MAN1A2: variants seen among roughly 807,000 people sequenced by gnomAD.
MAN1A2 encodes mannosidase alpha class 1A member 2.
MAN1A2 carries 26 observed loss-of-function variants against 75.7 expected under a neutral mutation model. That is an observed-to-expected ratio of 0.34 (90% CI 0.25 to 0.48). The LOEUF (loss-of-function observed/expected upper bound fraction) is 0.48. MAN1A2 is among the 20% of genes least tolerant of loss of function. The pLI is 0.99. For synonymous variants in MAN1A2, 247 were observed against 264.6 expected, an observed-to-expected ratio of 0.93 and a Z score of 0.65; for missense variants, 562 against 775.5, an observed-to-expected ratio of 0.72 and a Z score of 3.27.
At chr1:117,377,432 G>A (rs1175145651) in intron 1 of MAN1A2, among the ~76,000 whole-genome samples, 1 of 152,108 alleles carries the variant, frequency 6.6e-6, no homozygotes, top group Non-Finnish European at 1.5e-5. Flanking sequence ...AACTTATAGT[G>A]CATATTCTTT....
intron 8 of MAN1A2, among the ~76,000 whole-genome samples, chr1:117,470,579 ACT>A (rs1447650560): frequency 3.3e-5 from 5 of 151,878 alleles, no homozygotes; most frequent in African/African-American, 1.2e-4. Context: ...TAATATATTC[ACT>A]CTCAGCAGTT....
intron 6 of MAN1A2, among the ~76,000 whole-genome samples, chr1:117,444,298 C>A (rs61805788): frequency 0.12 from 17,584 of 151,704 alleles, 1,074 homozygotes; most frequent in Non-Finnish European, 0.14. Context: ...AACATTGCTA[C>A]AATAGCATCC....
intron 1 of MAN1A2, among the ~76,000 whole-genome samples, chr1:117,392,178 G>C (rs773342753): frequency 5.3e-5 from 8 of 151,958 alleles, no homozygotes; most frequent in Non-Finnish European, 1.0e-4. Flanking sequence ...TTAGTGCCTT[G>C]CATTTTTCCC....
At chr1:117,382,493 G>GAT (rs1653377722) in intron 1 of MAN1A2, among the ~76,000 whole-genome samples, 1 of 152,134 alleles carries the variant, frequency 6.6e-6, no homozygotes, top group Non-Finnish European at 1.5e-5. Flanking sequence ...GATAGTTGTA[G>GAT]ATATGCGGCA....
chr1:117,514,304 A>G (rs1388218732), intron 12 of MAN1A2, among the ~76,000 whole-genome samples: 1 of 151,768 alleles, frequency 6.6e-6, no homozygotes, highest in East Asian at 1.9e-4. Context: ...CAGAGGTTGC[A>G]GTGAACCAAG....
chr1:117,507,874 T>A (rs1296218991), intron 12 of MAN1A2, among the ~76,000 whole-genome samples: 1 of 151,738 alleles, frequency 6.6e-6, no homozygotes, highest in African/African-American at 2.4e-5. Context: ...CTCCAAGGAT[T>A]GTCTTATTCA....
intron 6 of MAN1A2, among the ~76,000 whole-genome samples, chr1:117,445,942 ATATATAAATT>A (rs1649222642): frequency 6.8e-6 from 1 of 147,056 alleles, no homozygotes; most frequent in South Asian, 2.1e-4. Flanking sequence ...AAGAAAATTT[ATATATAAATT>A]TATATATATT....
chr1:117,432,749 T>C (rs1399358478), intron 5 of MAN1A2, among the ~76,000 whole-genome samples: 1 of 151,998 alleles, frequency 6.6e-6, no homozygotes, highest in Non-Finnish European at 1.5e-5. Flanking sequence ...GAGGCCAGCA[T>C]AGCACTAACA....
Position 117,489,345 on chromosome 1 carries a change from A to G in MAN1A2, c.1169-3802A>G, listed in dbSNP as rs945319697. Among the ~76,000 whole-genome samples, 3 of 152,102 alleles carry G rather than the reference A, an allele frequency of 2.0e-5. No homozygotes were observed. The East Asian group carries it at 5.8e-4, about 29-fold the overall frequency. On this transcript the variant is annotated intron_variant, in intron 8 of 12. Transcript: ENST00000356554. ...ACAACTGGGAACCATAATCTTGCCA[A>G]CATTGGATATTATCAGTCTTTTAAA...
intron 12 of MAN1A2, among the ~76,000 whole-genome samples, chr1:117,519,664 C>T (rs962152059): frequency 2.6e-5 from 4 of 151,744 alleles, no homozygotes. Flanking sequence ...AATAGAGAAG[C>T]AGCGAAATTG....
intron 8 of MAN1A2, among the ~76,000 whole-genome samples, chr1:117,479,928 A>AT (rs1369024428): frequency 6.6e-6 from 1 of 151,770 alleles, no homozygotes; most frequent in East Asian, 1.9e-4. Flanking sequence ...TGCTTTTAGG[A>AT]TTTTTTAGGT....
At chr1:117,499,275 A>C (rs1256580735) in intron 10 of MAN1A2, 107 bp from the exon 11 acceptor site, 3 of 800,866 alleles carry the variant, frequency 3.7e-6, no homozygotes, top group Non-Finnish European at 3.6e-6. Flanking sequence ...AATAAAAATA[A>C]ACAACAAAAA....
intron 1 of MAN1A2, among the ~76,000 whole-genome samples, chr1:117,383,911 A>G (rs1259888879): frequency 6.6e-6 from 1 of 152,124 alleles, no homozygotes; most frequent in African/African-American, 2.4e-5. Context: ...GCACACATCA[A>G]ACAAACCAGG....
chr1:117,394,471 C>G (rs192438875), intron 1 of MAN1A2, among the ~76,000 whole-genome samples: 64 of 152,290 alleles, frequency 4.2e-4, no homozygotes, highest in Admixed American at 3.5e-3. Context: ...GTTTCCCTCA[C>G]TTTGAGAGAG....
At chr1:117,381,667 G>A (rs1236254604) in intron 1 of MAN1A2, among the ~76,000 whole-genome samples, 1 of 152,048 alleles carries the variant, frequency 6.6e-6, no homozygotes, top group Non-Finnish European at 1.5e-5. Context: ...TGTCTTTATA[G>A]CAGCATGATT....
intron 8 of MAN1A2, among the ~76,000 whole-genome samples, chr1:117,473,125 C>G (rs1650213233): frequency 1.3e-5 from 2 of 152,000 alleles, no homozygotes; most frequent in African/African-American, 4.8e-5. Context: ...CTTAATATAT[C>G]TGTAAATGAG....
At chr1:117,399,973 G>A (rs1265875217) in intron 1 of MAN1A2, among the ~76,000 whole-genome samples, 2 of 152,118 alleles carry the variant, frequency 1.3e-5, no homozygotes, top group African/African-American at 4.8e-5. Context: ...TAGTAGTACC[G>A]TGTTTTTCTG....
At chr1:117,496,347 T>C (rs886844445) in intron 9 of MAN1A2, among the ~76,000 whole-genome samples, 2 of 152,038 alleles carry the variant, frequency 1.3e-5, no homozygotes, top group African/African-American at 4.8e-5. Flanking sequence ...TATACTCAAG[T>C]TTAATATAGA....
At position 117,416,587 on chromosome 1, in the gene MAN1A2, T is replaced by G. The variant is rs930781060; in HGVS notation, c.774+1756T>G. ...CAGGAACCAGACTATGCCATTTATT[T>G]TAACTAGAGGATTTAATGTTTAGAA... On this transcript the variant is annotated intron_variant, in intron 4 of 12. Transcript: ENST00000356554. Among the ~76,000 whole-genome samples the G allele has an allele frequency of 3.9e-5, 6 of 152,178 alleles. No homozygotes were observed. The East Asian group carries it at 9.6e-4, about 24-fold the overall frequency.
Sources: gnomAD v4.1 joint callset for allele counts (sites outside exome capture counted in the v4.1 genomes callset) on GRCh38, gnomAD v4.1.1 for gene constraint, MANE v1.5 for transcripts, NCBI Gene and HGNC (gene_info 2026-07-23, HGNC 2026-07-21) for gene names.